VPS13A: variants seen among roughly 807,000 people sequenced by gnomAD.
The protein encoded by VPS13A is intermembrane lipid transfer protein VPS13A.
In VPS13A, 264 loss-of-function variants were observed where a neutral mutation model predicts 390.9. The observed-to-expected ratio is 0.68, with a 90% CI of 0.61 to 0.75. The LOEUF is 0.75. Ranked by LOEUF, VPS13A falls within the 30% of genes least tolerant of loss-of-function variation. The pLI is 0.00. For missense variants in VPS13A, 3,409 were observed against 3,733.9 expected, an observed-to-expected ratio of 0.91 and a Z score of 2.27; for synonymous variants, 1,231 against 1,227.1, an observed-to-expected ratio of 1.00 and a Z score of -0.07.
At chr9:77,288,113 A>G (rs1275081109) in intron 31 of VPS13A, among the ~76,000 whole-genome samples, 1 of 152,174 alleles carries the variant, frequency 6.6e-6, no homozygotes, top group African/African-American at 2.4e-5. Flanking sequence ...CAAAGTATCA[A>G]ATAAATGGAA....
chr9:77,360,386 A>G, intron 58 of VPS13A, 150 bp from the exon 59 acceptor site: 1 of 605,080 alleles, frequency 1.7e-6, no homozygotes, highest in Non-Finnish European at 2.9e-6. Flanking sequence ...TGTTATTAAC[A>G]GTGTTCCATG....
At chr9:77,303,469 G>T (rs1232490810) in intron 34 of VPS13A, among the ~76,000 whole-genome samples, 2 of 152,130 alleles carry the variant, frequency 1.3e-5, no homozygotes, top group Non-Finnish European at 2.9e-5. Context: ...TTCTAGTCGG[G>T]TGGGATGAGA....
At chr9:77,364,498 A>T (rs1832330849) in intron 59 of VPS13A, among the ~76,000 whole-genome samples, 1 of 152,092 alleles carries the variant, frequency 6.6e-6, no homozygotes, top group African/African-American at 2.4e-5. Flanking sequence ...ACCATAACTT[A>T]ACCTCAGCAG....
intron 3 of VPS13A, among the ~76,000 whole-genome samples, chr9:77,203,929 C>A (rs1259482943): frequency 6.6e-6 from 1 of 152,120 alleles, no homozygotes; most frequent in African/African-American, 2.4e-5. Flanking sequence ...GTAGCTGATA[C>A]CTGTAATCCC....
chr9:77,372,969 C>T (rs980897447), intron 67 of VPS13A, among the ~76,000 whole-genome samples: 50 of 152,042 alleles, frequency 3.3e-4, no homozygotes, highest in African/African-American at 1.2e-3. Flanking sequence ...CAAACCACTG[C>T]TCAAGGAAAT....
At position 77,314,121 on chromosome 9, in the gene VPS13A, TAAGTCCAGG is replaced by T; in HGVS notation, c.4242+6_4242+14del. The T allele has an allele frequency of 6.2e-7, 1 of 1,612,950 alleles. No homozygotes were observed. Among genetic ancestry groups the T allele is most frequent in the Non-Finnish European group, 8.5e-7 (1 of 1,179,368 alleles). On this transcript the variant is annotated splice_donor_5th_base_variant and intron_variant, in intron 36 of 71. Coordinates refer to ENST00000360280, the MANE Select transcript of VPS13A (RefSeq NM_033305.3). ...CTGTATAGTCCAGGTCCTAAACAGG[TAAGTCCAGG>T]AAGAAAAGAAAATGTATTTTCACAT... is the stretch of plus-strand genomic sequence containing the variant.
intron 32 of VPS13A, among the ~76,000 whole-genome samples, chr9:77,295,124 T>G (rs1215458068): frequency 6.6e-6 from 1 of 152,052 alleles, no homozygotes; most frequent in African/African-American, 2.4e-5. Flanking sequence ...ATTGAAGTTT[T>G]TTTTTGGAAT....
At chr9:77,180,738 AGACTT>A (rs1823962734) in intron 1 of VPS13A, among the ~76,000 whole-genome samples, 1 of 152,234 alleles carries the variant, frequency 6.6e-6, no homozygotes, top group African/African-American at 2.4e-5. Flanking sequence ...AAAAATCAGT[AGACTT>A]AATATTGTGT....
intron 26 of VPS13A, 102 bp from the exon 27 acceptor site, chr9:77,280,057 T>C: frequency 1.2e-6 from 1 of 852,336 alleles, no homozygotes; most frequent in Non-Finnish European, 1.8e-6. Context: ...AGAACTCATA[T>C]AGGAAAGCCT....
Position 77,280,184 on chromosome 9 carries a change from G to C in VPS13A, c.2850G>C (p.Leu950Phe), listed in dbSNP as rs775579367. The stretch of plus-strand genomic sequence containing the variant: ...ATGAAAACAAGAAACCAGTTTATTT[G>C]GTTACAACCCTGGATAACACAATGG... ...YLDENKKPVY[L>F]VTTLDNTMED... Residue 950 changes from leucine (L) to phenylalanine (F), a missense_variant, in exon 27 of 72, where the codon TTG (leucine) becomes TTC (phenylalanine). Physicochemically the swap from Leu to Phe is conservative, Grantham distance 22 (BLOSUM62 0). Transcript: ENST00000360280. 1 of 1,611,872 alleles carries C rather than the reference G, an allele frequency of 6.2e-7. No homozygotes were observed. The highest frequency in any genetic ancestry group is 1.3e-5 in the African/African-American group (1 of 74,978).
chr9:77,240,788 A>G (rs1368756096), intron 19 of VPS13A, among the ~76,000 whole-genome samples: 1 of 152,052 alleles, frequency 6.6e-6, no homozygotes, highest in Non-Finnish European at 1.5e-5. Flanking sequence ...TTAGCTTGAC[A>G]TGATACTACT....
chr9:77,279,984 A>T, intron 26 of VPS13A, 175 bp from the exon 27 acceptor site: 1 of 494,860 alleles, frequency 2.0e-6, no homozygotes, highest in Non-Finnish European at 3.6e-6. Context: ...AGGAGAAATT[A>T]AATTTTTAGA....
intron 56 of VPS13A, among the ~76,000 whole-genome samples, chr9:77,358,112 T>C (rs1831924775): frequency 1.3e-5 from 2 of 151,758 alleles, no homozygotes; most frequent in African/African-American, 4.8e-5. Flanking sequence ...CCCACCACCA[T>C]GGCCACCTAA....
At chr9:77,263,419 T>G (rs962102095) in intron 23 of VPS13A, among the ~76,000 whole-genome samples, 13 of 152,270 alleles carry the variant, frequency 8.5e-5, no homozygotes, top group South Asian at 2.1e-4. Context: ...TTTTCCCAAC[T>G]TTTTAATGAC....
Position 77,318,306 on chromosome 9 carries a change from A to G in VPS13A, c.5028A>G (p.Pro1676=). Residue 1676 remains proline, a synonymous_variant, in exon 41 of 72, where the codon CCA becomes CCG. Transcript: ENST00000360280. ...SALYTTKETI[P]EETASSTAHL... ...TGTATACAACTAAGGAAACCATCCC[A>G]GAAGAAACGGCTTCTTCTACTGCAC... 1 of 1,610,890 alleles carries G rather than the reference A, an allele frequency of 6.2e-7. No homozygotes were observed. The highest frequency in any genetic ancestry group is 8.5e-7 in the Non-Finnish European group (1 of 1,179,202).
In VPS13A at chr9:77,378,249, A is replaced by C. The variant is rs147415336; in HGVS notation, c.9078-3727A>C. Among the ~76,000 whole-genome samples, 876 of 152,170 alleles carry C rather than the reference A, an allele frequency of 5.8e-3. 12 individuals are homozygous for C. The highest frequency in any genetic ancestry group is 0.02 in the African/African-American group (845 of 41,520). ...AGCGTTGATGTTAATTAAAAAAAAAATTTGGAGAATTGATCAGTGAAACCG... is the reference window on the plus strand; with the variant it reads ...AGCGTTGATGTTAATTAAAAAAAAACTTTGGAGAATTGATCAGTGAAACCG... On this transcript the variant is annotated intron_variant, in intron 67 of 71. Transcript: ENST00000360280.
chr9:77,311,520 CAAAG>C (rs1829076726), intron 35 of VPS13A, among the ~76,000 whole-genome samples: 1 of 151,918 alleles, frequency 6.6e-6, no homozygotes, highest in African/African-American at 2.4e-5. Context: ...TGTCAATTCA[CAAAG>C]AAGATGCAAC....
chr9:77,286,259 A>G (rs940046061), intron 31 of VPS13A, among the ~76,000 whole-genome samples: 10 of 152,164 alleles, frequency 6.6e-5, no homozygotes, highest in Non-Finnish European at 1.5e-4. Context: ...TCTAGCTTGC[A>G]GGCATGTTGG....
At chr9:77,212,550 T>C (rs73651498) in intron 7 of VPS13A, among the ~76,000 whole-genome samples, 1,883 of 152,244 alleles carry the variant, frequency 0.012, 39 homozygotes, top group African/African-American at 0.043. Flanking sequence ...TGCCCAAATT[T>C]GTCTCAAACT....
Sources: gnomAD v4.1 joint callset for allele counts (sites outside exome capture counted in the v4.1 genomes callset) on GRCh38, gnomAD v4.1.1 for gene constraint, MANE v1.5 for transcripts, NCBI Gene and HGNC (gene_info 2026-07-23, HGNC 2026-07-21) for gene names.